Variants in MAP3K8 observed in about 807,000 individuals in gnomAD.
The protein encoded by MAP3K8 is mitogen-activated protein kinase kinase kinase 8, also known as Ewing sarcoma transformant.
A neutral mutation model predicts 45.8 loss-of-function variants in MAP3K8; 22 were observed. The observed-to-expected ratio is 0.48, with a 90% CI of 0.34 to 0.69. The LOEUF (loss-of-function observed/expected upper bound fraction) is 0.69. MAP3K8 is among the 30% of genes least tolerant of loss of function. The probability of loss-of-function intolerance (pLI) is 0.01; values close to 1 mark genes in which losing one functional copy is unlikely to be tolerated. For missense variants in MAP3K8, 419 were observed against 585.0 expected (o/e 0.72, Z 2.93); for synonymous variants, 223 against 214.3 (o/e 1.04, Z -0.36).
intron 1 of MAP3K8, among the ~76,000 whole-genome samples, chr10:30,436,698 TA>T (rs1205873521): frequency 0.028 from 3,986 of 141,580 alleles, 39 homozygotes; most frequent in Middle Eastern, 0.067. Flanking sequence ...ACTACTACTA[TA>T]AAAAAAAAAA....
At position 30,458,095 on chromosome 10, in the gene MAP3K8, C is replaced by T. The variant is rs546367329; in HGVS notation, c.885C>T (p.Ser295=). ...KDLRGTEIYM[S]PEVILCRGHS... ...CACTTCTTTTTCAGATTTACATGAG[C>T]CCAGAGGTCATCCTGTGCAGGGGCC... is the stretch of plus-strand genomic sequence containing the variant. The change falls in exon 7 of 9, where the codon AGC becomes AGT. Residue 295 remains serine (S), a synonymous_variant. Coordinates refer to ENST00000263056, the MANE Select transcript of MAP3K8 (RefSeq NM_005204.4). The T allele has an allele frequency of 4.5e-6, 7 of 1,557,678 alleles. No homozygotes were observed. The African/African-American group carries it at 6.9e-5, about 15-fold the overall frequency.
At chr10:30,458,268 C>CGGGGGGGGGGGCGGGG in intron 7 of MAP3K8, 32 bp downstream of exon 7, 2 of 439,432 alleles carry the variant, frequency 4.6e-6, no homozygotes, top group Non-Finnish European at 7.4e-6. Context: ...CTGGGGGCGG[C>CGGGGGGGGGGGCGGGG]GGGGGGGGGC....
At position 30,439,097 on chromosome 10, in the gene MAP3K8, T is replaced by A; in HGVS notation, c.159T>A (p.Ser53Arg). The change falls in exon 3 of 9, where the codon AGT (serine) becomes AGA (arginine). Residue 53 changes from serine to arginine, a missense_variant. Physicochemically the swap from Ser to Arg is moderately radical, Grantham distance 110. This residue lies in a region of MAP3K8 where 102 missense variants were observed against 93.5 expected (regional missense o/e 1.09). Transcript: ENST00000263056. ...GTCTAATGACCATGTGTCAAGACAG[T>A]AATCAAAACGATGAGCGTTCTAAGT... ...EPSLMTMCQD[S>R]NQNDERSKSL... 6.2e-7 allele frequency: 1 copy of A among 1,614,200 alleles called. No individual in the cohort carries two copies. The highest frequency in any genetic ancestry group is 1.1e-5 in the South Asian group (1 of 91,088).
chr10:30,439,363 T>C (rs1265076567), intron 3 of MAP3K8, 89 bp downstream of exon 3: 1 of 1,549,032 alleles, frequency 6.5e-7, no homozygotes, highest in Non-Finnish European at 8.8e-7. Flanking sequence ...GAATTTGGCT[T>C]AGATGGGCTG....
chr10:30,453,833 G>A (rs1382793944), intron 6 of MAP3K8, among the ~76,000 whole-genome samples: 1 of 147,904 alleles, frequency 6.8e-6, no homozygotes, highest in Non-Finnish European at 1.5e-5. Context: ...GGGGGTTCGA[G>A]ACCAGCCTGA....
intron 1 of MAP3K8, chr10:30,434,646 A>C (rs1413820915): frequency 1.0e-6 from 1 of 985,600 alleles, no homozygotes; most frequent in Non-Finnish European, 1.2e-6. Context: ...GCGCCAGGGC[A>C]GTGCTGGTCT....
intron 1 of MAP3K8, among the ~76,000 whole-genome samples, chr10:30,435,362 A>G (rs1472593400): frequency 6.6e-6 from 1 of 152,124 alleles, no homozygotes; most frequent in Non-Finnish European, 1.5e-5. Context: ...CATACGGCCC[A>G]TGAGGACTTT....
At chr10:30,458,259 T>TGGGGGGGGG in intron 7 of MAP3K8, 23 bp downstream of exon 7, 1 of 448,286 alleles carries the variant, frequency 2.2e-6, no homozygotes, top group Non-Finnish European at 3.4e-6. Flanking sequence ...CAACCAGGGC[T>TGGGGGGGGG]GGGGGCGGCG....
intron 3 of MAP3K8, among the ~76,000 whole-genome samples, chr10:30,444,768 C>G (rs1314686889): frequency 1.3e-5 from 2 of 152,142 alleles, no homozygotes; most frequent in South Asian, 2.1e-4. Context: ...TTTTATAACC[C>G]GGCATTTAAT....
rs1836923006 is a variant in MAP3K8 at position 30,461,024 on chromosome 10, C to T, written c.*188C>T. The T allele has an allele frequency of 3.6e-6, 2 of 559,192 alleles. No homozygotes were observed. The highest frequency in any genetic ancestry group is 3.2e-5 in the East Asian group (1 of 31,200). 34.6% of individuals were successfully genotyped at this position (559,192 alleles called of 1,614,324 possible). A position where few individuals can be genotyped will look rare whatever the true frequency, so the allele number is the denominator to read the frequency against. On this transcript the variant is annotated 3_prime_UTR_variant, in exon 9 of 9. Transcript: ENST00000263056. ...ACATGTGAAGCTATTTGATATGCACCAGGTCTCAAGGTTCTCATTTCTCAG... is the reference window on the plus strand; with the variant it reads ...ACATGTGAAGCTATTTGATATGCACTAGGTCTCAAGGTTCTCATTTCTCAG...
At chr10:30,440,269 C>T (rs1436982041) in intron 3 of MAP3K8, among the ~76,000 whole-genome samples, 1 of 152,112 alleles carries the variant, frequency 6.6e-6, no homozygotes, top group Non-Finnish European at 1.5e-5. Flanking sequence ...GAATAATTTG[C>T]AAAGGAGTAG....
At chr10:30,434,469 C>T in intron 1 of MAP3K8, 91 bp downstream of exon 1, 2 of 985,628 alleles carry the variant, frequency 2.0e-6, no homozygotes, top group Non-Finnish European at 2.4e-6. Context: ...GGAGGGTGCC[C>T]CCAGCAGAGG....
chr10:30,448,071 T>G, intron 4 of MAP3K8, 122 bp downstream of exon 4: 59 of 778,748 alleles, frequency 7.6e-5, no homozygotes, highest in Middle Eastern at 3.9e-4. Flanking sequence ...GAGGGTGCAC[T>G]GCCTCAAAGC....
At chr10:30,434,870 T>C (rs1007885309) in intron 1 of MAP3K8, 4 of 781,064 alleles carry the variant, frequency 5.1e-6, no homozygotes, top group Non-Finnish European at 6.2e-6. Context: ...GGAGTGTGGG[T>C]TGGCGGAGCC....
intron 5 of MAP3K8, chr10:30,450,739 G>C (rs1412844587): frequency 1.8e-6 from 1 of 548,514 alleles, no homozygotes; most frequent in Admixed American, 3.1e-5. Context: ...TTGTTGAAAG[G>C]TTATAGCTAC....
intron 2 of MAP3K8, among the ~76,000 whole-genome samples, chr10:30,438,053 A>T (rs1377111721): frequency 6.6e-6 from 1 of 152,192 alleles, no homozygotes; most frequent in African/African-American, 2.4e-5. Context: ...TAAGAGCTGA[A>T]ATGCAATTTT....
At chr10:30,454,081 G>A (rs567891573) in intron 6 of MAP3K8, among the ~76,000 whole-genome samples, 1 of 152,134 alleles carries the variant, frequency 6.6e-6, no homozygotes, top group Non-Finnish European at 1.5e-5. Flanking sequence ...GTAAATGGGT[G>A]TAAAAGCTGC....
Position 30,451,654 on chromosome 10 carries a change from C to A in MAP3K8, c.783C>A (p.Phe261Leu). 1 of 1,590,140 alleles carries A rather than the reference C, an allele frequency of 6.3e-7. No homozygotes were observed. Among genetic ancestry groups the A allele is most frequent in the South Asian group, 1.2e-5 (1 of 85,240 alleles). The change falls in exon 6 of 9, where the codon TTC (phenylalanine) becomes TTA (leucine). Residue 261 changes from phenylalanine (F) to leucine (L), a missense_variant. By Grantham distance (22) the Phe-to-Leu change is conservative. Coordinates refer to ENST00000263056, the MANE Select transcript of MAP3K8 (RefSeq NM_005204.4). Reference sequence around the variant, plus strand: ...TCATTTTAGCTAGCAACATTGTTTTCATGTCCACAAAAGCTGTTTTGGTGG... The same window carrying A: ...TCATTTTAGCTAGCAACATTGTTTTAATGTCCACAAAAGCTGTTTTGGTGG... ...HHDIKPSNIV[F>L]MSTKAVLVDF...
intron 3 of MAP3K8, among the ~76,000 whole-genome samples, chr10:30,443,666 T>TA (rs1429917281): frequency 2.0e-5 from 3 of 152,246 alleles, no homozygotes; most frequent in Non-Finnish European, 4.4e-5. Context: ...TATAGATCGA[T>TA]ACCATGTCTG....
Sources: gnomAD v4.1 joint callset for allele counts (sites outside exome capture counted in the v4.1 genomes callset) on GRCh38, gnomAD v4.1.1 for gene constraint, gnomAD v4.1.1 regional missense constraint, MANE v1.5 for transcripts, NCBI Gene and HGNC (gene_info 2026-07-23, HGNC 2026-07-21) for gene names.